Variants in ZNF704 observed in about 807,000 individuals in gnomAD.
ZNF704 encodes the protein zinc finger protein 704.
A neutral mutation model predicts 44.7 loss-of-function variants in ZNF704; 10 were observed. That is an observed-to-expected ratio of 0.22 (90% CI 0.14 to 0.38). The LOEUF is 0.38. ZNF704 is among the 10% of genes least tolerant of loss of function. The probability of loss-of-function intolerance (pLI) is 1.00; values close to 1 mark genes in which losing one functional copy is unlikely to be tolerated. For missense variants in ZNF704, 390 were observed against 545.5 expected, an observed-to-expected ratio of 0.71 and a Z score of 2.84; for synonymous variants, 211 against 207.6, an observed-to-expected ratio of 1.02 and a Z score of -0.14.
chr8:80,874,491 C>T lies in ZNF704; in HGVS notation c.-22+80G>A, dbSNP rs1014938805. On this transcript the variant is annotated intron_variant, in intron 1 of 8. Coordinates refer to ENST00000327835, the MANE Select transcript of ZNF704 (RefSeq NM_001033723.3). The surrounding 1 kb of genome is among the most constrained non-coding windows in gnomAD (Gnocchi z 4.4). ...GTTGTATGTTTTCCACCACCGCCCC[C>T]CTCTTCGCGAGCCATTCCTCACAAC... 10 of 151,908 alleles carry T rather than the reference C, an allele frequency of 6.6e-5. No homozygotes were observed. In the East Asian group the frequency reaches 1.8e-3, roughly 27 times the overall value. 9.4% of individuals were successfully genotyped at this position (151,908 alleles called of 1,614,324 possible).
rs1817584952 is a variant in ZNF704 at position 80,631,578 on chromosome 8, C to T, written c.*9788G>A. On this transcript the variant is annotated 3_prime_UTR_variant, in exon 9 of 9. Transcript: ENST00000327835. ...CCCTCCTAAGGTGGAACCCAGCTCA[C>T]ATTCCTGGTTCTGATCACTCTATTA... The T allele has an allele frequency of 6.6e-6, 1 of 152,258 alleles. No homozygotes were observed. The highest frequency in any genetic ancestry group is 1.5e-5 in the Non-Finnish European group (1 of 68,074). The allele number at this position is 152,258 out of a possible 1,614,324, so 9.4% of individuals were successfully genotyped here.
intron 1 of ZNF704, among the ~76,000 whole-genome samples, chr8:80,872,996 T>G (rs1809280102): frequency 1.3e-5 from 2 of 152,204 alleles, no homozygotes; most frequent in Admixed American, 1.3e-4. Context: ...TTTGCTGTAC[T>G]GGGTTTACCG....
At chr8:80,830,055 T>A (rs1032745947) in intron 1 of ZNF704, among the ~76,000 whole-genome samples, 8 of 152,056 alleles carry the variant, frequency 5.3e-5, no homozygotes, top group African/African-American at 1.5e-4. Context: ...TTTATTCATA[T>A]CAATTATTAT....
At position 80,636,980 on chromosome 8, in the gene ZNF704, A is replaced by G. The variant is rs1258269663; in HGVS notation, c.*4386T>C. The G allele has an allele frequency of 6.6e-6, 1 of 152,252 alleles. No homozygotes were observed. The highest frequency in any genetic ancestry group is 1.5e-5 in the Non-Finnish European group (1 of 68,052). The allele number at this position is 152,252 out of a possible 1,614,324, so 9.4% of individuals were successfully genotyped here. A position where few individuals can be genotyped will look rare whatever the true frequency, so the allele number is the denominator to read the frequency against. On this transcript the variant is annotated 3_prime_UTR_variant, in exon 9 of 9. Transcript: ENST00000327835. ...CCATTGGGTAATGATAAAAAGGACCAGCAAGGCTTTGTATTCACAATTACA... is the reference window on the plus strand; with the variant it reads ...CCATTGGGTAATGATAAAAAGGACCGGCAAGGCTTTGTATTCACAATTACA...
intron 7 of ZNF704, chr8:80,645,155 A>G: frequency 6.2e-7 from 1 of 1,603,982 alleles, no homozygotes; most frequent in Non-Finnish European, 8.5e-7. Flanking sequence ...CCAAATAGTA[A>G]ATTTGTTTGT....
chr8:80,819,799 A>T (rs191810603), intron 2 of ZNF704, among the ~76,000 whole-genome samples: 2 of 152,212 alleles, frequency 1.3e-5, no homozygotes, highest in Admixed American at 6.5e-5. Context: ...AAAATTTTCA[A>T]TTAAAGGTTA....
At chr8:80,862,911 C>T (rs552455621) in intron 1 of ZNF704, among the ~76,000 whole-genome samples, 8 of 151,802 alleles carry the variant, frequency 5.3e-5, no homozygotes, top group Non-Finnish European at 1.0e-4. Context: ...ACCTTGCTGT[C>T]TTTCTATAAA....
chr8:80,795,715 T>A (rs1807788690), intron 2 of ZNF704, among the ~76,000 whole-genome samples: 1 of 40,280 alleles, frequency 2.5e-5, no homozygotes, highest in South Asian at 1.5e-3. Flanking sequence ...GGGAACTCCA[T>A]CTCAAAAAAA....
At chr8:80,805,547 G>A (rs1807975338) in intron 2 of ZNF704, among the ~76,000 whole-genome samples, 1 of 152,116 alleles carries the variant, frequency 6.6e-6, no homozygotes, top group Non-Finnish European at 1.5e-5. Flanking sequence ...GTCAAGGAAT[G>A]AACATACAAA....
chr8:80,874,329 C>T lies in ZNF704; in HGVS notation c.-22+242G>A, dbSNP rs1292069533. Among the ~76,000 whole-genome samples the T allele has an allele frequency of 1.4e-5, 2 of 144,778 alleles. No homozygotes were observed. Among genetic ancestry groups the T allele is most frequent in the East Asian group, 2.0e-4 (1 of 4,938 alleles). 95.0% of individuals were successfully genotyped at this position (144,778 alleles called of 152,430 possible). A position where few individuals can be genotyped will look rare whatever the true frequency, so the allele number is the denominator to read the frequency against. On this transcript the variant is annotated intron_variant, in intron 1 of 8. Transcript: ENST00000327835. This position sits in a 1 kb window ranked among gnomAD's most constrained non-coding sequence, Gnocchi z 4.4. ...AGCGGCGCGCTGCCGCCTCCGCCGC[C>T]GCCGCCGCCGCCCGGGAGCCGCGGG...
intron 4 of ZNF704, among the ~76,000 whole-genome samples, chr8:80,677,905 T>C (rs900770693): frequency 1.2e-4 from 18 of 152,388 alleles, no homozygotes; most frequent in Admixed American, 9.1e-4. Context: ...TAGAATTTAA[T>C]GTTTCTCAGT....
At chr8:80,645,759 A>G (rs967026743) in intron 7 of ZNF704, among the ~76,000 whole-genome samples, 2 of 152,168 alleles carry the variant, frequency 1.3e-5, no homozygotes, top group African/African-American at 4.8e-5. Flanking sequence ...TCTTTTCTTT[A>G]TAACTTACCC....
intron 2 of ZNF704, among the ~76,000 whole-genome samples, chr8:80,811,646 G>A (rs1042307741): frequency 2.0e-5 from 3 of 152,196 alleles, no homozygotes; most frequent in Admixed American, 1.3e-4. Flanking sequence ...ATATGTGGTA[G>A]TGTGTTAACT....
intron 4 of ZNF704, among the ~76,000 whole-genome samples, chr8:80,675,566 G>C (rs896722701): frequency 1.3e-5 from 2 of 152,068 alleles, no homozygotes; most frequent in Admixed American, 1.3e-4. Context: ...GGTGAGAAGA[G>C]ATGGTGGCTT....
At chr8:80,772,478 C>T (rs1807337234) in intron 2 of ZNF704, among the ~76,000 whole-genome samples, 1 of 152,108 alleles carries the variant, frequency 6.6e-6, no homozygotes, top group Admixed American at 6.6e-5. Flanking sequence ...GAAGGGGAAG[C>T]AGGCACATCT....
chr8:80,770,790 T>C (rs544644709), intron 2 of ZNF704, among the ~76,000 whole-genome samples: 9 of 152,312 alleles, frequency 5.9e-5, no homozygotes, highest in Admixed American at 2.0e-4. Flanking sequence ...GTTCTAAAGA[T>C]TTTCTCCTAC....
intron 1 of ZNF704, among the ~76,000 whole-genome samples, chr8:80,853,164 G>A (rs919899489): frequency 2.0e-5 from 3 of 152,162 alleles, no homozygotes; most frequent in African/African-American, 7.2e-5. Flanking sequence ...CCAGGAGTTC[G>A]ATACCAGCCT....
chr8:80,663,366 CAA>C (rs113981733), intron 6 of ZNF704, among the ~76,000 whole-genome samples: 90 of 96,386 alleles, frequency 9.3e-4, no homozygotes, highest in African/African-American at 8.9e-4. Context: ...GACCCTGTCT[CAA>C]AAAAAAAAAA....
chr8:80,754,477 C>A (rs559076369), intron 2 of ZNF704, among the ~76,000 whole-genome samples: 1 of 152,114 alleles, frequency 6.6e-6, no homozygotes, highest in Non-Finnish European at 1.5e-5. Context: ...CTTAAAATTA[C>A]GAAATGATAT....
Sources: allele counts gnomAD v4.1 joint callset (sites outside exome capture counted in the v4.1 genomes callset), GRCh38; gene constraint gnomAD v4.1.1; non-coding constraint Gnocchi (gnomAD v3.1); transcripts MANE v1.5; gene names NCBI Gene and HGNC (gene_info 2026-07-23, HGNC 2026-07-21).